AHDC1: variants seen among roughly 807,000 people sequenced by gnomAD.
AHDC1 encodes the protein transcription factor Gibbin.
AHDC1 carries 7 observed loss-of-function variants against 87.9 expected under a neutral mutation model. The ratio of observed to expected loss-of-function variants is 0.08; its 90% confidence interval spans 0.05 to 0.15. The LOEUF (loss-of-function observed/expected upper bound fraction) is 0.15. Among genes scored for constraint, AHDC1 ranks in the 10% least tolerant of loss-of-function variants. AHDC1 has a pLI of 1.00. For synonymous variants in AHDC1, 1,051 were observed against 1,006.8 expected (o/e 1.04, Z -0.83); for missense variants, 1,841 against 2,253.2 (o/e 0.82, Z 3.70).
rs1211644688 is a variant in AHDC1 at position 27,547,226 on chromosome 1, G to A, written c.*43+35C>T. On this transcript the variant is annotated intron_variant, in intron 8 of 8. Coordinates refer to ENST00000673934, the MANE Select transcript of AHDC1 (RefSeq NM_001371928.1). This position sits in a 1 kb window ranked among gnomAD's most constrained non-coding sequence, Gnocchi z 4.9. ...TCTGATGTCCTCTTCCCACCCCCAG[G>A]CCTCTGCCCACTGCGCCCACATCCC... 1.4e-6 allele frequency: 2 copies of A among 1,393,826 alleles called. No individual in the cohort carries two copies. Among genetic ancestry groups the A allele is most frequent in the African/African-American group, 1.4e-5 (1 of 69,278 alleles). The allele number at this position is 1,393,826 out of a possible 1,614,324, so 86.3% of individuals were successfully genotyped here.
At chr1:27,601,618 T>TA (rs1314731046) in intron 3 of AHDC1, among the ~76,000 whole-genome samples, 8 of 152,182 alleles carry the variant, frequency 5.3e-5, no homozygotes, top group African/African-American at 1.4e-4. Flanking sequence ...TCCATTACTA[T>TA]AAAAATAAAT....
chr1:27,590,458 A>G lies in AHDC1; in HGVS notation c.-629+12939T>C, dbSNP rs538079911. ...AGCCCCAGCCTTAGCTTAAGAAAGT[A>G]TTCCCAGGCCAGCCACCCAGCACCA... is the stretch of plus-strand genomic sequence containing the variant. On this transcript the variant is annotated intron_variant, in intron 3 of 8. Transcript: ENST00000673934. This position sits in a 1 kb window ranked among gnomAD's most constrained non-coding sequence, Gnocchi z 5.4. 8.5e-5 allele frequency among the ~76,000 whole-genome samples: 13 copies of G among 152,158 alleles called. No homozygotes were observed. Among genetic ancestry groups the G allele is most frequent in the African/African-American group, 3.1e-4 (13 of 41,510 alleles).
At position 27,593,867 on chromosome 1, in the gene AHDC1, C is replaced by A. The variant is rs1411203214; in HGVS notation, c.-629+9530G>T. Among the ~76,000 whole-genome samples the A allele has an allele frequency of 6.6e-6, 1 of 152,228 alleles. No homozygotes were observed. The highest frequency in any genetic ancestry group is 6.5e-5 in the Admixed American group (1 of 15,292). On this transcript the variant is annotated intron_variant, in intron 3 of 8. Transcript: ENST00000673934. This position sits in a 1 kb window ranked among gnomAD's most constrained non-coding sequence, Gnocchi z 4.9. Reference sequence around the variant, plus strand: ...TCCCAGGACTTGCTGGGCTGGGACACAGGCGATGTCTTGGGGACCCTTCCC... The same window carrying A: ...TCCCAGGACTTGCTGGGCTGGGACAAAGGCGATGTCTTGGGGACCCTTCCC...
intron 3 of AHDC1, among the ~76,000 whole-genome samples, chr1:27,574,725 C>T (rs1367796966): frequency 6.6e-6 from 1 of 152,150 alleles, no homozygotes; most frequent in South Asian, 2.1e-4. Context: ...TTACAGAGCA[C>T]CAAATGGTGC....
chr1:27,540,116 G>T (rs2018839184), intron 8 of AHDC1, among the ~76,000 whole-genome samples: 1 of 152,284 alleles, frequency 6.6e-6, no homozygotes, highest in South Asian at 2.1e-4. Context: ...ATCCCCAGGG[G>T]CCCTTCCTGG....
At chr1:27,552,460 G>A (rs2019623904) in intron 7 of AHDC1, 4 of 242,042 alleles carry the variant, frequency 1.7e-5, no homozygotes, top group South Asian at 1.8e-4. Context: ...GTGAAGCAGC[G>A]TGATCTCAGC....
At chr1:27,557,071 C>T (rs1015449435) in intron 5 of AHDC1, among the ~76,000 whole-genome samples, 2 of 150,118 alleles carry the variant, frequency 1.3e-5, no homozygotes, top group Non-Finnish European at 3.0e-5. Context: ...CCCTCGCCCA[C>T]CCCCTTCCTC....
intron 3 of AHDC1, among the ~76,000 whole-genome samples, chr1:27,566,861 C>T (rs936906533): frequency 2.0e-5 from 3 of 150,496 alleles, no homozygotes; most frequent in Non-Finnish European, 4.4e-5. Flanking sequence ...GGCCTGTTGC[C>T]ATGGAGGCGG....
chr1:27,549,959 C>T lies in AHDC1; in HGVS notation c.2157G>A (p.Glu719=). ...GGCCCCGTTTGCGTGGGTGCCCCAA[C>T]TCAGTAAGGCCCGGGCCCCCGACCC... ...AAGVGGPGLT[E]LGHPRKRGRG... is the part of the protein sequence containing the mutation. The change falls in exon 8 of 9, where the codon GAG becomes GAA. Residue 719 remains glutamate (E), a synonymous_variant. Transcript: ENST00000673934. 1 of 1,612,456 alleles carries T rather than the reference C, an allele frequency of 6.2e-7. No individual in the cohort carries two copies. The highest frequency in any genetic ancestry group is 1.7e-4 in the Middle Eastern group (1 of 6,060).
chr1:27,557,267 C>A (rs1409131238), intron 5 of AHDC1, among the ~76,000 whole-genome samples: 2 of 151,474 alleles, frequency 1.3e-5, no homozygotes. Context: ...CTGCTCCGCC[C>A]CCCTCCCCTC....
chr1:27,579,175 G>A (rs897803009), intron 3 of AHDC1, among the ~76,000 whole-genome samples: 1 of 151,584 alleles, frequency 6.6e-6, no homozygotes, highest in African/African-American at 2.4e-5. Flanking sequence ...TGCATAGCTG[G>A]GACTACATGC....
chr1:27,576,104 A>G (rs1221451188), intron 3 of AHDC1, among the ~76,000 whole-genome samples: 2 of 151,766 alleles, frequency 1.3e-5, no homozygotes, highest in Non-Finnish European at 2.9e-5. Flanking sequence ...TCCTGCAGAG[A>G]GCACTGGCGG....
At chr1:27,574,983 C>G (rs947392368) in intron 3 of AHDC1, among the ~76,000 whole-genome samples, 4 of 152,214 alleles carry the variant, frequency 2.6e-5, no homozygotes, top group Middle Eastern at 3.2e-3. Flanking sequence ...GAAAATTATC[C>G]AGGATTTTCC....
At position 27,563,218 on chromosome 1, in the gene AHDC1, AC is replaced by A; in HGVS notation, c.-628-4336del. ...TGCACACACACACAGAACCTGTCACACAGCTGACCAAGACACACACACACGC... is the reference window on the plus strand; with the variant it reads ...TGCACACACACACAGAACCTGTCACAAGCTGACCAAGACACACACACACGC... On this transcript the variant is annotated intron_variant, in intron 3 of 8. Coordinates refer to ENST00000673934, the MANE Select transcript of AHDC1 (RefSeq NM_001371928.1). This position sits in a 1 kb window ranked among gnomAD's most constrained non-coding sequence, Gnocchi z 6.1. 6.6e-6 allele frequency among the ~76,000 whole-genome samples: 1 copy of A among 151,082 alleles called. No homozygotes were observed.
rs1195873014 is a variant in AHDC1 at position 27,560,828 on chromosome 1, T to C, written c.-628-1945A>G. 6.6e-6 allele frequency among the ~76,000 whole-genome samples: 1 copy of C among 152,102 alleles called. No individual in the cohort carries two copies. Among genetic ancestry groups the C allele is most frequent in the Non-Finnish European group, 1.5e-5 (1 of 68,002 alleles). On this transcript the variant is annotated intron_variant, in intron 3 of 8. Transcript: ENST00000673934. The surrounding 1 kb of genome is among the most constrained non-coding windows in gnomAD (Gnocchi z 4.1). ...CAACGGTGCCCCAGGGTTTGTGTGGTACCTTTGTGAAGGGCTCAGTGTGTG... is the reference window on the plus strand; with the variant it reads ...CAACGGTGCCCCAGGGTTTGTGTGGCACCTTTGTGAAGGGCTCAGTGTGTG...
intron 3 of AHDC1, among the ~76,000 whole-genome samples, chr1:27,577,908 G>A (rs2088803066): frequency 6.6e-6 from 1 of 152,186 alleles, no homozygotes; most frequent in African/African-American, 2.4e-5. Context: ...TGAGGCCAGG[G>A]AGTTAAGACT....
chr1:27,576,393 C>A (rs1433744466), intron 3 of AHDC1, among the ~76,000 whole-genome samples: 1 of 152,250 alleles, frequency 6.6e-6, no homozygotes, highest in African/African-American at 2.4e-5. Context: ...TGCGTTTTCA[C>A]TGACCACCTA....
In AHDC1 at chr1:27,550,745, C is replaced by A; in HGVS notation, c.1371G>T (p.Gln457His). The change falls in exon 8 of 9, where the codon CAG becomes CAT. Residue 457 changes from glutamine (Q) to histidine (H), a missense_variant. Around this residue, in one of 13 missense-constraint regions of AHDC1, gnomAD observed 370 missense variants for 391.5 expected, o/e 0.95. Transcript: ENST00000673934. Reference protein sequence around the residue: ...SVPELKPESSQTPVVSTRKGK... With the variant: ...SVPELKPESSHTPVVSTRKGK... ...CTTTGCGGGTAGAGACCACTGGGGTCTGGGAAGATTCCGGCTTCAACTCTG... is the reference window on the plus strand; with the variant it reads ...CTTTGCGGGTAGAGACCACTGGGGTATGGGAAGATTCCGGCTTCAACTCTG... 1 of 1,584,312 alleles carries A rather than the reference C, an allele frequency of 6.3e-7. No individual in the cohort carries two copies. The highest frequency in any genetic ancestry group is 8.6e-7 in the Non-Finnish European group (1 of 1,165,916).
chr1:27,600,079 A>G (rs1241897484), intron 3 of AHDC1, among the ~76,000 whole-genome samples: 1 of 151,676 alleles, frequency 6.6e-6, no homozygotes, highest in Non-Finnish European at 1.5e-5. Flanking sequence ...AGGGGCTGTA[A>G]TTCCAGATTT....
Sources: allele counts gnomAD v4.1 joint callset (sites outside exome capture counted in the v4.1 genomes callset), GRCh38; gene constraint gnomAD v4.1.1; regional missense constraint gnomAD v4.1.1; non-coding constraint Gnocchi (gnomAD v3.1); transcripts MANE v1.5; gene names NCBI Gene and HGNC (gene_info 2026-07-23, HGNC 2026-07-21).